PID1: variants seen among roughly 807,000 people sequenced by gnomAD.
The protein encoded by PID1 is phosphotyrosine interaction domain containing 1, also known as PTB-containing, cubilin and LRP1-interacting protein.
In PID1, 10 loss-of-function variants were observed where a neutral mutation model predicts 19.1. The observed-to-expected ratio is 0.52, with a 90% confidence interval of 0.32 to 0.89. The LOEUF (loss-of-function observed/expected upper bound fraction) is 0.89. PID1 is among the 40% of genes least tolerant of loss of function. The pLI, the probability that PID1 is intolerant of heterozygous loss-of-function variation, is 0.03. For missense variants in PID1, 248 were observed against 285.3 expected, an observed-to-expected ratio of 0.87 and a Z score of 0.94; for synonymous variants, 130 against 116.0, an observed-to-expected ratio of 1.12 and a Z score of -0.78.
chr2:229,139,601 A>G (rs937346503), intron 2 of PID1, among the ~76,000 whole-genome samples: 1 of 152,172 alleles, frequency 6.6e-6, no homozygotes, highest in South Asian at 2.1e-4. Flanking sequence ...TTTCCTTTCT[A>G]CAAAGAAATC....
At chr2:229,129,350 C>G (rs1187755826) in intron 2 of PID1, among the ~76,000 whole-genome samples, 3 of 149,868 alleles carry the variant, frequency 2.0e-5, no homozygotes, top group African/African-American at 7.4e-5. Context: ...GGAGGCAGAA[C>G]TTGCAGTGAG....
chr2:229,106,770 T>C (rs1411720167), intron 2 of PID1, among the ~76,000 whole-genome samples: 2 of 152,202 alleles, frequency 1.3e-5, no homozygotes, highest in Non-Finnish European at 2.9e-5. Context: ...TGTATTTTGT[T>C]ATAGGAGCTC....
intron 2 of PID1, among the ~76,000 whole-genome samples, chr2:229,067,355 C>T (rs1694350797): frequency 6.6e-6 from 1 of 152,008 alleles, no homozygotes; most frequent in African/African-American, 2.4e-5. Context: ...AAAATCATTA[C>T]AAGAATGATA....
intron 2 of PID1, among the ~76,000 whole-genome samples, chr2:229,100,205 T>C (rs911350168): frequency 6.6e-6 from 1 of 152,236 alleles, no homozygotes; most frequent in Non-Finnish European, 1.5e-5. Flanking sequence ...AGCCGCTCCA[T>C]CTATGGAATT....
intron 1 of PID1, among the ~76,000 whole-genome samples, chr2:229,243,406 A>C (rs1689924295): frequency 6.6e-6 from 1 of 152,122 alleles, no homozygotes; most frequent in Non-Finnish European, 1.5e-5. Flanking sequence ...GTTCCTTTCT[A>C]GGGCAAGGTT....
chr2:229,141,975 G>C (rs1690023582), intron 2 of PID1, among the ~76,000 whole-genome samples: 1 of 151,790 alleles, frequency 6.6e-6, no homozygotes, highest in Non-Finnish European at 1.5e-5. Flanking sequence ...TAGCTGGATA[G>C]TCAGGAGCTG....
chr2:229,099,720 T>A (rs1695038403), intron 2 of PID1, among the ~76,000 whole-genome samples: 1 of 152,176 alleles, frequency 6.6e-6, no homozygotes, highest in Admixed American at 6.5e-5. Context: ...GGTCAAGAAA[T>A]GATTTCACTG....
chr2:229,088,892 A>C (rs1421375938), intron 2 of PID1, among the ~76,000 whole-genome samples: 1 of 152,186 alleles, frequency 6.6e-6, no homozygotes, highest in Non-Finnish European at 1.5e-5. Flanking sequence ...AAAGCTACAC[A>C]GTAGCTTATA....
chr2:229,141,423 C>T (rs1690008565), intron 2 of PID1, among the ~76,000 whole-genome samples: 1 of 152,080 alleles, frequency 6.6e-6, no homozygotes, highest in African/African-American at 2.4e-5. Flanking sequence ...CTTTTATCCA[C>T]AAGCAAGGTG....
chr2:229,188,343 G>A (rs1315651650), intron 1 of PID1, among the ~76,000 whole-genome samples: 1 of 151,936 alleles, frequency 6.6e-6, no homozygotes. Context: ...ATTAAAAAAG[G>A]AAAAGGCAGA....
intron 1 of PID1, among the ~76,000 whole-genome samples, chr2:229,237,593 G>T (rs1331801305): frequency 6.6e-6 from 1 of 152,098 alleles, no homozygotes; most frequent in African/African-American, 2.4e-5. Context: ...GTGAGAAAAG[G>T]GAAAGGGACC....
At chr2:229,093,580 A>G (rs1180008565) in intron 2 of PID1, among the ~76,000 whole-genome samples, 1 of 152,212 alleles carries the variant, frequency 6.6e-6, no homozygotes, top group Non-Finnish European at 1.5e-5. Context: ...GAGCTTATCC[A>G]TGTATGTGTG....
At chr2:229,042,231 T>C (rs1337385982) in intron 2 of PID1, among the ~76,000 whole-genome samples, 6 of 151,976 alleles carry the variant, frequency 3.9e-5, no homozygotes, top group Non-Finnish European at 7.4e-5. Flanking sequence ...AGTAAATAAA[T>C]ATTGGGGGGA....
intron 1 of PID1, among the ~76,000 whole-genome samples, chr2:229,264,817 T>C (rs1483751896): frequency 1.3e-5 from 2 of 152,252 alleles, no homozygotes; most frequent in African/African-American, 4.8e-5. Flanking sequence ...TTTACAACTA[T>C]GCCCTTCTTC....
At chr2:229,128,805 A>G (rs1048826320) in intron 2 of PID1, among the ~76,000 whole-genome samples, 1 of 152,236 alleles carries the variant, frequency 6.6e-6, no homozygotes, top group African/African-American at 2.4e-5. Context: ...AAAAATAGAA[A>G]GAGTAAAAAA....
At chr2:229,266,881 G>C (rs1690603885) in intron 1 of PID1, among the ~76,000 whole-genome samples, 2 of 152,176 alleles carry the variant, frequency 1.3e-5, no homozygotes, top group African/African-American at 2.4e-5. Flanking sequence ...TGTCAATTTG[G>C]TCAGCCTGGA....
chr2:229,178,855 G>A (rs536730549), intron 1 of PID1, among the ~76,000 whole-genome samples: 52 of 152,146 alleles, frequency 3.4e-4, no homozygotes, highest in Middle Eastern at 3.4e-3. Context: ...AAGTGGGACC[G>A]TCCCTATGCA....
chr2:229,162,792 T>G (rs1407811528), intron 1 of PID1, among the ~76,000 whole-genome samples: 3 of 152,212 alleles, frequency 2.0e-5, no homozygotes, highest in Non-Finnish European at 2.9e-5. Context: ...TTATTGTAAA[T>G]AAGGTATATT....
chr2:229,157,234 A>G (rs1337514714), intron 1 of PID1, among the ~76,000 whole-genome samples: 1 of 152,158 alleles, frequency 6.6e-6, no homozygotes, highest in East Asian at 1.9e-4. Context: ...GTTCGAGACC[A>G]GCCTGGCCAA....
Sources: gnomAD v4.1 joint callset for allele counts (sites outside exome capture counted in the v4.1 genomes callset) on GRCh38, gnomAD v4.1.1 for gene constraint, MANE v1.5 for transcripts, NCBI Gene and HGNC (gene_info 2026-07-23, HGNC 2026-07-21) for gene names.